CNTN5: variants seen among roughly 807,000 people sequenced by gnomAD.
CNTN5 encodes the protein contactin-5.
A neutral mutation model predicts 129.1 loss-of-function variants in CNTN5; 77 were observed. The observed-to-expected ratio is 0.60, with a 90% CI of 0.50 to 0.72. The LOEUF is 0.72. CNTN5 is among the 30% of genes least tolerant of loss of function. CNTN5 has a pLI of 0.00. For synonymous variants in CNTN5, 509 were observed against 465.6 expected (o/e 1.09, Z -1.20); for missense variants, 1,478 against 1,328.8 (o/e 1.11, Z -1.75).
chr11:99,374,047 G>C (rs933076204), intron 2 of CNTN5, among the ~76,000 whole-genome samples: 3 of 152,126 alleles, frequency 2.0e-5, no homozygotes, highest in Non-Finnish European at 4.4e-5. Flanking sequence ...ATTTGAGGAA[G>C]TTATCGAAAC....
At chr11:99,986,494 C>A (rs1210605241) in intron 8 of CNTN5, among the ~76,000 whole-genome samples, 1 of 152,170 alleles carries the variant, frequency 6.6e-6, no homozygotes, top group African/African-American at 2.4e-5. Flanking sequence ...GTGCCCTAGA[C>A]TCCATCTCTT....
chr11:99,214,004 T>C (rs1457713493), intron 1 of CNTN5, among the ~76,000 whole-genome samples: 1 of 152,100 alleles, frequency 6.6e-6, no homozygotes, highest in Non-Finnish European at 1.5e-5. Context: ...TACTTGATAT[T>C]AGCAATTGCG....
In CNTN5 at chr11:100,002,115, T is replaced by C. The variant is rs1939912710; in HGVS notation, c.959T>C (p.Met320Thr). Residue 320 changes from methionine to threonine, a missense_variant, in exon 9 of 25, where the codon ATG becomes ACG. Met to Thr is a moderately conservative substitution (Grantham distance 81). Transcript: ENST00000524871. ...VTAAKGTTVK[M>T]ECFALGNPVP... ...GCTGCTAAAGGAACAACTGTTAAGA[T>C]GGAATGCTTTGCACTTGGCAAGTAA... The C allele has an allele frequency of 6.3e-7, 1 of 1,586,610 alleles. No individual in the cohort carries two copies. Among genetic ancestry groups the C allele is most frequent in the Non-Finnish European group, 8.5e-7 (1 of 1,170,846 alleles).
chr11:99,366,084 T>C (rs1324846185), intron 2 of CNTN5, among the ~76,000 whole-genome samples: 1 of 152,174 alleles, frequency 6.6e-6, no homozygotes, highest in Non-Finnish European at 1.5e-5. Context: ...AGATCTTCCT[T>C]GTAAAACCCT....
At chr11:99,281,148 A>C (rs1863677956) in intron 1 of CNTN5, among the ~76,000 whole-genome samples, 1 of 151,904 alleles carries the variant, frequency 6.6e-6, no homozygotes, top group African/African-American at 2.4e-5. Flanking sequence ...TAGAATTAAA[A>C]GATCTGATTA....
intron 1 of CNTN5, among the ~76,000 whole-genome samples, chr11:99,145,457 T>C (rs1859736046): frequency 6.6e-6 from 1 of 152,074 alleles, no homozygotes; most frequent in African/African-American, 2.4e-5. Flanking sequence ...TGGTGTCATG[T>C]AGTCTACATA....
At chr11:99,087,758 G>A (rs1308496805) in intron 1 of CNTN5, among the ~76,000 whole-genome samples, 2 of 152,170 alleles carry the variant, frequency 1.3e-5, no homozygotes, top group Non-Finnish European at 2.9e-5. Flanking sequence ...ATTTCAAAAT[G>A]TATTACAGTT....
intron 6 of CNTN5, among the ~76,000 whole-genome samples, chr11:99,859,299 C>G (rs1302794795): frequency 6.6e-6 from 1 of 152,152 alleles, no homozygotes; most frequent in Non-Finnish European, 1.5e-5. Context: ...TGTAATATAT[C>G]TGATGTACAT....
chr11:99,280,551 C>A (rs1863648661), intron 1 of CNTN5, among the ~76,000 whole-genome samples: 1 of 151,454 alleles, frequency 6.6e-6, no homozygotes, highest in South Asian at 2.1e-4. Context: ...TATCTGTTTA[C>A]CTGGGTTCTA....
At chr11:99,244,657 C>T (rs575226639) in intron 1 of CNTN5, among the ~76,000 whole-genome samples, 1 of 152,160 alleles carries the variant, frequency 6.6e-6, no homozygotes, top group Non-Finnish European at 1.5e-5. Context: ...TGCATGAGAT[C>T]ACCAGAAAGG....
chr11:99,616,305 T>C (rs1950759844), intron 3 of CNTN5, among the ~76,000 whole-genome samples: 1 of 152,182 alleles, frequency 6.6e-6, no homozygotes, highest in Non-Finnish European at 1.5e-5. Context: ...TAGTCTAAGC[T>C]CTAAAGTCAG....
chr11:100,033,406 G>A (rs1054264678), intron 9 of CNTN5, among the ~76,000 whole-genome samples: 1 of 152,102 alleles, frequency 6.6e-6, no homozygotes, highest in African/African-American at 2.4e-5. Context: ...AAAGGTTTCT[G>A]GCCTTGACTT....
chr11:100,309,205 G>T (rs922302892), intron 21 of CNTN5: 13 of 984,962 alleles, frequency 1.3e-5, no homozygotes, highest in Middle Eastern at 5.2e-4. Flanking sequence ...GACTTTAGTT[G>T]CATTTAAAAA....
chr11:99,529,314 A>G (rs964652142), intron 2 of CNTN5, among the ~76,000 whole-genome samples: 7 of 152,102 alleles, frequency 4.6e-5, no homozygotes, highest in Non-Finnish European at 1.0e-4. Context: ...TGTATGACTT[A>G]CTCCAGTCAA....
At chr11:99,465,792 T>C (rs536523846) in intron 2 of CNTN5, among the ~76,000 whole-genome samples, 3 of 148,850 alleles carry the variant, frequency 2.0e-5, no homozygotes, top group East Asian at 4.0e-4. Flanking sequence ...CTTAAAATTG[T>C]GGTGGAAGGC....
chr11:100,209,513 T>C (rs938118395), intron 15 of CNTN5, among the ~76,000 whole-genome samples: 5 of 152,316 alleles, frequency 3.3e-5, no homozygotes, highest in Admixed American at 6.5e-5. Flanking sequence ...ATCACTTTAC[T>C]TGTTAATAGA....
chr11:99,706,946 A>G (rs926250942), intron 3 of CNTN5, among the ~76,000 whole-genome samples: 3 of 151,234 alleles, frequency 2.0e-5, no homozygotes, highest in East Asian at 2.0e-4. Context: ...ATATATCTCA[A>G]TTAATCTTGC....
At chr11:99,978,819 G>A (rs1005622925) in intron 8 of CNTN5, among the ~76,000 whole-genome samples, 4 of 152,172 alleles carry the variant, frequency 2.6e-5, no homozygotes, top group Non-Finnish European at 4.4e-5. Context: ...GCTTCCCAAA[G>A]AGGAAAGGAA....
intron 3 of CNTN5, among the ~76,000 whole-genome samples, chr11:99,716,127 T>A (rs1190605233): frequency 6.6e-6 from 1 of 152,096 alleles, no homozygotes; most frequent in African/African-American, 2.4e-5. Flanking sequence ...ATCACTAATA[T>A]GTCTCATATT....
Sources: gnomAD v4.1 joint callset for allele counts (sites outside exome capture counted in the v4.1 genomes callset) on GRCh38, gnomAD v4.1.1 for gene constraint, MANE v1.5 for transcripts, NCBI Gene and HGNC (gene_info 2026-07-23, HGNC 2026-07-21) for gene names.